The following LYN variants were observed in gnomAD, a reference collection of about 807,000 sequenced individuals.
The protein encoded by LYN is tyrosine-protein kinase Lyn.
Under a neutral mutation model 65.0 loss-of-function variants are expected in LYN, and 12 were observed. That is an observed-to-expected ratio of 0.18 (90% CI 0.12 to 0.30). LYN has a LOEUF of 0.30. LYN is among the 10% of genes least tolerant of loss of function. LYN has a pLI of 1.00. For missense variants in LYN, 380 were observed against 623.2 expected, an observed-to-expected ratio of 0.61 and a Z score of 4.16; for synonymous variants, 222 against 221.2, an observed-to-expected ratio of 1.00 and a Z score of -0.03.
intron 10 of LYN, among the ~76,000 whole-genome samples, chr8:55,995,242 C>A (rs868385256): frequency 6.6e-6 from 1 of 152,210 alleles, no homozygotes; most frequent in Non-Finnish European, 1.5e-5. Flanking sequence ...GGAGCTCTGC[C>A]TTCACCTGGT....
intron 1 of LYN, among the ~76,000 whole-genome samples, chr8:55,899,179 A>C (rs1345007699): frequency 6.6e-6 from 1 of 152,206 alleles, no homozygotes; most frequent in East Asian, 1.9e-4. Flanking sequence ...AAATATAGTA[A>C]GAATAGCAAT....
At chr8:55,950,262 T>G (rs530840780) in intron 4 of LYN, among the ~76,000 whole-genome samples, 197 bp from the exon 5 acceptor site, 58 of 152,236 alleles carry the variant, frequency 3.8e-4, no homozygotes, top group Non-Finnish European at 5.7e-4. Flanking sequence ...CATTATGGTT[T>G]CATCTTTCTT....
intron 1 of LYN, among the ~76,000 whole-genome samples, chr8:55,916,256 A>G (rs760889985): frequency 6.6e-6 from 1 of 152,200 alleles, no homozygotes; most frequent in Non-Finnish European, 1.5e-5. Context: ...GGGAAAGTGA[A>G]TATTGAGAAA....
At chr8:55,911,813 G>A (rs10092290) in intron 1 of LYN, among the ~76,000 whole-genome samples, 18,468 of 152,148 alleles carry the variant, frequency 0.12, 1,508 homozygotes, top group Middle Eastern at 0.28. Flanking sequence ...AATCAAGGGC[G>A]ACTTCTTGGT....
chr8:55,978,809 C>G (rs1042215860), intron 10 of LYN, among the ~76,000 whole-genome samples: 4 of 152,152 alleles, frequency 2.6e-5, no homozygotes, highest in African/African-American at 9.7e-5. Flanking sequence ...TGGCTGGACC[C>G]TTCTCAGTGA....
chr8:55,985,543 G>C (rs980710990), intron 10 of LYN, among the ~76,000 whole-genome samples: 1 of 152,164 alleles, frequency 6.6e-6, no homozygotes, highest in African/African-American at 2.4e-5. Context: ...GATTGTTTTC[G>C]GAGCCCAGGC....
chr8:55,951,909 A>G (rs1806961492), intron 6 of LYN, 57 bp from the exon 7 acceptor site: 1 of 1,423,790 alleles, frequency 7.0e-7, no homozygotes, highest in African/African-American at 1.4e-5. Flanking sequence ...CAGTTGTTGT[A>G]TAATGCAGAT....
In LYN at chr8:56,013,158, A is replaced by G. The variant is rs1437719891; in HGVS notation, c.*3048A>G. On this transcript the variant is annotated 3_prime_UTR_variant, in exon 13 of 13. Coordinates refer to ENST00000519728, the MANE Select transcript of LYN (RefSeq NM_002350.4). ...GGTGCATAAAAGGATAATAACTAAAAGGAGGGAATTAATTTTGTTGCCTAC... is the reference window on the plus strand; with the variant it reads ...GGTGCATAAAAGGATAATAACTAAAGGGAGGGAATTAATTTTGTTGCCTAC... 1 of 152,264 alleles carries G rather than the reference A, an allele frequency of 6.6e-6. No homozygotes were observed. The highest frequency in any genetic ancestry group is 2.4e-5 in the African/African-American group (1 of 41,458). The allele number at this position is 152,264 out of a possible 1,614,324, so 9.4% of individuals were successfully genotyped here.
chr8:55,925,213 C>G (rs994842403), intron 1 of LYN, among the ~76,000 whole-genome samples: 6 of 152,272 alleles, frequency 3.9e-5, no homozygotes, highest in African/African-American at 1.4e-4. Flanking sequence ...CCCTCAAACT[C>G]CTGGGCTCAG....
chr8:55,954,088 G>C, intron 8 of LYN, 104 bp downstream of exon 8: 2 of 1,242,138 alleles, frequency 1.6e-6, no homozygotes, highest in Non-Finnish European at 2.3e-6. Flanking sequence ...ACTAAATTAT[G>C]TCAGAAGCAT....
intron 12 of LYN, among the ~76,000 whole-genome samples, chr8:56,003,405 G>A (rs980727505): frequency 6.6e-5 from 10 of 152,114 alleles, no homozygotes; most frequent in African/African-American, 2.4e-4. Flanking sequence ...TACAGGCCAG[G>A]TGTGGTGGCT....
At chr8:55,902,913 A>G (rs1585578275) in intron 1 of LYN, 1 of 346,766 alleles carries the variant, frequency 2.9e-6, no homozygotes, top group South Asian at 2.3e-5. Flanking sequence ...CAGCGGCGCA[A>G]TCTCCACTCA....
intron 1 of LYN, among the ~76,000 whole-genome samples, chr8:55,925,663 C>A (rs767899958): frequency 2.6e-5 from 4 of 152,102 alleles, no homozygotes; most frequent in Non-Finnish European, 4.4e-5. Context: ...GCAGGCCGCC[C>A]GTGACACCAA....
chr8:56,010,349 C>CT lies in LYN; in HGVS notation c.*240dup, dbSNP rs1808780639. 1 of 497,954 alleles carries CT rather than the reference C, an allele frequency of 2.0e-6. No individual in the cohort carries two copies. The highest frequency in any genetic ancestry group is 3.7e-6 in the Non-Finnish European group (1 of 273,484). The allele number at this position is 497,954 out of a possible 1,614,324, so 30.8% of individuals were successfully genotyped here. ...TTGTCCTCAGCAGCTGGTAATCTTG[C>CT]TCTGCTTGACAACATCTGAGTGCAG... On this transcript the variant is annotated 3_prime_UTR_variant, in exon 13 of 13. Transcript: ENST00000519728.
In LYN at chr8:56,012,090, A is replaced by G. The variant is rs926743166; in HGVS notation, c.*1980A>G. On this transcript the variant is annotated 3_prime_UTR_variant, in exon 13 of 13. Transcript: ENST00000519728. The stretch of plus-strand genomic sequence containing the variant: ...ATTTTCCACTTGTCTTTCCCTCCCA[A>G]TCAAGCCTGTGATCCTTACCTCCAT... The G allele has an allele frequency of 1.3e-4, 25 of 190,706 alleles. No homozygotes were observed. Among genetic ancestry groups the G allele is most frequent in the African/African-American group, 4.9e-4 (21 of 42,760 alleles). The allele number at this position is 190,706 out of a possible 1,614,324, so 11.8% of individuals were successfully genotyped here.
chr8:55,913,577 A>C (rs1199040375), intron 1 of LYN, among the ~76,000 whole-genome samples: 2 of 152,210 alleles, frequency 1.3e-5, no homozygotes, highest in African/African-American at 4.8e-5. Flanking sequence ...AAATAATTAC[A>C]CATAAATTAT....
At chr8:55,965,037 T>A (rs916130672) in intron 8 of LYN, among the ~76,000 whole-genome samples, 1 of 151,918 alleles carries the variant, frequency 6.6e-6, no homozygotes, top group East Asian at 1.9e-4. Flanking sequence ...CTCCCCATTT[T>A]TTTTTTAACA....
intron 1 of LYN, among the ~76,000 whole-genome samples, chr8:55,896,964 T>A (rs1805125798): frequency 1.3e-5 from 2 of 152,154 alleles, no homozygotes. Context: ...AATCTCAAAC[T>A]CCTGACCTTA....
rs73590337 is a variant in LYN, at chr8:55,971,245, A to G, written c.1050+1452A>G. Reference sequence around the variant, plus strand: ...CTTTTTAGCCCTGTCCTCAAAGTCTATGCTGGCCCCTGGGAGGCTCCATGG... The same window carrying G: ...CTTTTTAGCCCTGTCCTCAAAGTCTGTGCTGGCCCCTGGGAGGCTCCATGG... On this transcript the variant is annotated intron_variant, in intron 10 of 12. Coordinates refer to ENST00000519728, the MANE Select transcript of LYN (RefSeq NM_002350.4). Among the ~76,000 whole-genome samples, 1,352 of 152,328 alleles carry G rather than the reference A, an allele frequency of 8.9e-3. 21 individuals carry two copies. Among genetic ancestry groups the G allele is most frequent in the African/African-American group, 0.031 (1,287 of 41,584 alleles).
Sources: gnomAD v4.1 joint callset for allele counts (sites outside exome capture counted in the v4.1 genomes callset) on GRCh38, gnomAD v4.1.1 for gene constraint, MANE v1.5 for transcripts, NCBI Gene and HGNC (gene_info 2026-07-23, HGNC 2026-07-21) for gene names.